MTMR10: variants seen among roughly 807,000 people sequenced by gnomAD.
The protein encoded by MTMR10 is myotubularin-related protein 10.
MTMR10 carries 56 observed loss-of-function variants against 88.1 expected under a neutral mutation model. The ratio of observed to expected loss-of-function variants is 0.64; its 90% CI spans 0.51 to 0.79. The LOEUF (loss-of-function observed/expected upper bound fraction) is 0.79, where lower values mean the gene tolerates loss of function less well. Ranked by LOEUF, MTMR10 falls within the 30% of genes least tolerant of loss-of-function variation. The pLI, the probability that MTMR10 is intolerant of heterozygous loss-of-function variation, is 0.00. For missense variants in MTMR10, 883 were observed against 924.7 expected (o/e 0.95, Z 0.58); for synonymous variants, 380 against 340.9 (o/e 1.11, Z -1.26).
chr15:30,965,740 C>A (rs145888144), intron 6 of MTMR10: 209 of 266,140 alleles, frequency 7.9e-4, no homozygotes, highest in African/African-American at 4.5e-3. Context: ...TCAGAGATGG[C>A]TTTTCCTCAT....
At chr15:30,954,398 T>C (rs527769444) in intron 10 of MTMR10, among the ~76,000 whole-genome samples, 96 of 152,380 alleles carry the variant, frequency 6.3e-4, no homozygotes, top group African/African-American at 2.3e-3. Context: ...AGCTGTTTGA[T>C]ACCCATGTCA....
At chr15:30,928,749 A>G in the MTMR10 span, 1 of 1,587,102 alleles carries the variant, frequency 6.3e-7, no homozygotes, top group East Asian at 2.2e-5. Context: ...GCCAGCAGAA[A>G]CCATCTCTGT....
Position 30,940,086 on chromosome 15 carries a change from AG to A in MTMR10, c.*1383del. The A allele has an allele frequency of 2.0e-6, 2 of 983,786 alleles. No individual in the cohort carries two copies. The highest frequency in any genetic ancestry group is 2.4e-6 in the Non-Finnish European group (2 of 828,402). 60.9% of individuals were successfully genotyped at this position (983,786 alleles called of 1,614,324 possible). A position where few individuals can be genotyped will look rare whatever the true frequency, so the allele number is the denominator to read the frequency against. ...TTTTAGAAAAGGAAATAAGCTAACT[AG>A]ACACTTTACTATAAAAATTTTCCAT... On this transcript the variant is annotated 3_prime_UTR_variant, in exon 16 of 16. Coordinates refer to ENST00000435680, the MANE Select transcript of MTMR10 (RefSeq NM_017762.3).
chr15:30,957,625 A>G (rs529207495), intron 9 of MTMR10, among the ~76,000 whole-genome samples: 1 of 152,276 alleles, frequency 6.6e-6, no homozygotes, highest in Admixed American at 6.5e-5. Context: ...CAGGAGGCTG[A>G]GGCATGATAA....
the MTMR10 span, among the ~76,000 whole-genome samples, chr15:30,933,680 TTTC>T: frequency 6.6e-6 from 1 of 152,234 alleles, no homozygotes; most frequent in African/African-American, 2.4e-5. Context: ...TCCTTACTGA[TTTC>T]TTATTTACTT....
Position 30,974,404 on chromosome 15 carries a change from T to C in MTMR10, c.384A>G (p.Lys128=), listed in dbSNP as rs757605836. 2 of 1,607,684 alleles carry C rather than the reference T, an allele frequency of 1.2e-6. No individual in the cohort carries two copies. The highest frequency in any genetic ancestry group is 1.1e-5 in the South Asian group (1 of 90,156). Residue 128 remains lysine, a synonymous_variant, in exon 5 of 16, where the codon AAA becomes AAG. Transcript: ENST00000435680. ...QKVLGPNQKL[K]FNPTELIIYC... ...AAATAATTAACTCTGTTGGATTAAA[T>C]TTCAGTTTCTGGTTGGGGCCTAGGA...
rs944742437 is a variant in MTMR10 at position 30,991,593 on chromosome 15, C to T, written c.-87G>A. On this transcript the variant is annotated 5_prime_UTR_variant, in exon 1 of 16. Coordinates refer to ENST00000435680, the MANE Select transcript of MTMR10 (RefSeq NM_017762.3). ...GCGTAAAGCTCTCAGTGCGGCCGCC[C>T]AGGCCCTTTCTGCGGCCAGCCGAGC... The T allele has an allele frequency of 3.5e-6, 5 of 1,439,676 alleles. No homozygotes were observed. In the African/African-American group the frequency reaches 7.5e-5, roughly 22 times the overall value. The allele number at this position is 1,439,676 out of a possible 1,614,324, so 89.2% of individuals were successfully genotyped here. A position where few individuals can be genotyped will look rare whatever the true frequency, so the allele number is the denominator to read the frequency against.
At chr15:30,952,871 C>T (rs1187694694) in intron 11 of MTMR10, among the ~76,000 whole-genome samples, 1 of 151,976 alleles carries the variant, frequency 6.6e-6, no homozygotes, top group Non-Finnish European at 1.5e-5. Context: ...CTCAATGCAA[C>T]CTCTGCCTCC....
At chr15:30,922,211 G>T in the MTMR10 span, 1 of 1,600,530 alleles carries the variant, frequency 6.2e-7, no homozygotes, top group South Asian at 1.1e-5. Context: ...ATCTAATGAG[G>T]TTTCTTTGTT....
chr15:30,940,772 AAAGTGAAATTATATTT>A lies in MTMR10; in HGVS notation c.*682_*697del. 2 of 987,768 alleles carry A rather than the reference AAAGTGAAATTATATTT, an allele frequency of 2.0e-6. No homozygotes were observed. The allele number at this position is 987,768 out of a possible 1,614,324, so 61.2% of individuals were successfully genotyped here. On this transcript the variant is annotated 3_prime_UTR_variant, in exon 16 of 16. Coordinates refer to ENST00000435680, the MANE Select transcript of MTMR10 (RefSeq NM_017762.3). The stretch of plus-strand genomic sequence containing the variant: ...TGGGATTTTCCCACCCCAATTTTAA[AAAGTGAAATTATATTT>A]TCTTCTGTAATATTTGTATCCTAAA...
chr15:30,979,321 C>T (rs1389669937), intron 2 of MTMR10, among the ~76,000 whole-genome samples: 12 of 152,072 alleles, frequency 7.9e-5, no homozygotes, highest in Non-Finnish European at 1.2e-4. Flanking sequence ...AATCCCAACA[C>T]TTTGGCTGAG....
intron 2 of MTMR10, 134 bp downstream of exon 2, chr15:30,990,643 C>T: frequency 1.4e-6 from 1 of 732,294 alleles, no homozygotes; most frequent in Non-Finnish European, 2.2e-6. Context: ...TTTTTCTCCT[C>T]TCAGTCACTA....
At position 30,939,655 on chromosome 15, in the gene MTMR10, T is replaced by TTAAAA. The variant is rs3830609; in HGVS notation, c.*1810_*1814dup. On this transcript the variant is annotated 3_prime_UTR_variant, in exon 16 of 16. Transcript: ENST00000435680. ...TAACAACAATAAAATACTACAAGAGTTAAAATAAACGTGAAGGAAGAAAAT... is the reference window on the plus strand; with the variant it reads ...TAACAACAATAAAATACTACAAGAGTTAAAATAAAATAAACGTGAAGGAAGAAAAT... 0.83 allele frequency: 764,270 copies of TTAAAA among 917,536 alleles called. 319,729 individuals are homozygous for TTAAAA. The highest frequency in any genetic ancestry group is 0.98 in the East Asian group (8,253 of 8,446). The allele number at this position is 917,536 out of a possible 1,614,324, so 56.8% of individuals were successfully genotyped here.
rs1187156723 is a variant in MTMR10, at chr15:30,941,717, AGCATCCT to A, written c.2080_2086del (p.Arg694CysfsTer49). 1.2e-6 allele frequency: 2 copies of A among 1,613,844 alleles called. No homozygotes were observed. Among genetic ancestry groups the A allele is most frequent in the Non-Finnish European group, 1.7e-6 (2 of 1,179,878 alleles). On this transcript the variant is annotated frameshift_variant, in exon 16 of 16. Transcript: ENST00000435680. LOFTEE classifies it high-confidence loss of function. ...CAGGGGGCCACTGCGCTGTTGCCGCAGCATCCTGCTCAGTACGTCGACTTCATCAGCC... is the reference window on the plus strand; with the variant it reads ...CAGGGGGCCACTGCGCTGTTGCCGCAGCTCAGTACGTCGACTTCATCAGCC...
At chr15:30,976,509 A>C (rs1483285809) in intron 3 of MTMR10, among the ~76,000 whole-genome samples, 1 of 152,166 alleles carries the variant, frequency 6.6e-6, no homozygotes, top group Non-Finnish European at 1.5e-5. Flanking sequence ...TTTTCTCTTT[A>C]TGTCATTTTT....
chr15:30,924,179 C>T, the MTMR10 span, among the ~76,000 whole-genome samples: 1 of 152,212 alleles, frequency 6.6e-6, no homozygotes, highest in Non-Finnish European at 1.5e-5. Context: ...TGTCAGGACT[C>T]CGTTCCTTCT....
chr15:30,948,293 T>C lies in MTMR10; in HGVS notation c.1377+9A>G, dbSNP rs376858536. 26 of 1,604,112 alleles carry C rather than the reference T, an allele frequency of 1.6e-5. No homozygotes were observed. The highest frequency in any genetic ancestry group is 2.7e-5 in the African/African-American group (2 of 74,294). On this transcript the variant is annotated intron_variant, in intron 13 of 15. Coordinates refer to ENST00000435680, the MANE Select transcript of MTMR10 (RefSeq NM_017762.3). ...AAAGACTGATAAAAAGGCATCAAGA[T>C]TTTGTTACCTCTTTCTCTGATCTCT... is the stretch of plus-strand genomic sequence containing the variant.
intron 5 of MTMR10, 100 bp from the exon 6 acceptor site, chr15:30,968,110 G>A (rs2063493266): frequency 1.3e-6 from 1 of 784,850 alleles, no homozygotes; most frequent in Non-Finnish European, 2.0e-6. Context: ...TTGGGGCAGT[G>A]ATTATAGATA....
intron 8 of MTMR10, 36 bp downstream of exon 8, chr15:30,958,998 C>A: frequency 1.2e-6 from 2 of 1,613,068 alleles, no homozygotes; most frequent in South Asian, 1.1e-5. Flanking sequence ...AAACAATGGA[C>A]GTCAGCATTC....
Sources: gnomAD v4.1 joint callset for allele counts (sites outside exome capture counted in the v4.1 genomes callset) on GRCh38, gnomAD v4.1.1 for gene constraint, MANE v1.5 for transcripts, NCBI Gene and HGNC (gene_info 2026-07-23, HGNC 2026-07-21) for gene names.